FLVCR1: variants seen among roughly 807,000 people sequenced by gnomAD.
The protein encoded by FLVCR1 is FLVCR choline and heme transporter 1, also known as choline/ethanolamine transporter FLVCR1.
Under a neutral mutation model 53.6 loss-of-function variants are expected in FLVCR1, and 34 were observed. The observed-to-expected ratio is 0.63, with a 90% CI of 0.48 to 0.84. The LOEUF (loss-of-function observed/expected upper bound fraction) is 0.84, where lower values mean the gene tolerates loss of function less well. Ranked by LOEUF, FLVCR1 falls within the 40% of genes least tolerant of loss-of-function variation. The probability of loss-of-function intolerance (pLI) is 0.00; values close to 1 mark genes in which losing one functional copy is unlikely to be tolerated. For synonymous variants in FLVCR1, 300 were observed against 286.3 expected (o/e 1.05, Z -0.48); for missense variants, 677 against 696.7 (o/e 0.97, Z 0.32).
chr1:212,878,513 G>A (rs1473950006), intron 3 of FLVCR1, among the ~76,000 whole-genome samples: 19 of 132,506 alleles, frequency 1.4e-4, no homozygotes, highest in African/African-American at 4.3e-4. Flanking sequence ...CAGCCTGGGC[G>A]ACAGAGTGAG....
Position 212,863,834 on chromosome 1 carries a change from C to T in FLVCR1, c.848C>T (p.Ala283Val), listed in dbSNP as rs747001184. Residue 283 changes from alanine to valine, a missense_variant, in exon 2 of 10, where the codon GCT becomes GTT. Transcript: ENST00000366971. ...NISTMFYGTS[A>V]VATLLFILTA... Reference sequence around the variant, plus strand: ...AGCACCATGTTTTATGGAACATCAGCTGTTGCCACACTTTTATTTATTTTA... The same window carrying T: ...AGCACCATGTTTTATGGAACATCAGTTGTTGCCACACTTTTATTTATTTTA... 5 of 1,613,610 alleles carry T rather than the reference C, an allele frequency of 3.1e-6. No individual in the cohort carries two copies. In the South Asian group the frequency reaches 3.3e-5, roughly 11 times the overall value.
chr1:212,890,635 A>G (rs760621861), intron 8 of FLVCR1, among the ~76,000 whole-genome samples: 1 of 152,154 alleles, frequency 6.6e-6, no homozygotes, highest in Non-Finnish European at 1.5e-5. Context: ...TTGGTATCTG[A>G]GGTGGGGTCT....
chr1:212,890,229 G>A (rs1009937266), intron 8 of FLVCR1, among the ~76,000 whole-genome samples: 3 of 152,152 alleles, frequency 2.0e-5, no homozygotes, highest in Admixed American at 6.5e-5. Flanking sequence ...TTTTCCAGGT[G>A]CATACTTTTA....
chr1:212,888,929 A>G lies in FLVCR1; in HGVS notation c.1414-217A>G, dbSNP rs1393390794. Among the ~76,000 whole-genome samples the G allele has an allele frequency of 6.6e-5, 10 of 152,120 alleles. No individual in the cohort carries two copies. The South Asian group carries it at 1.5e-3, about 22-fold the overall frequency. On this transcript the variant is annotated intron_variant, in intron 7 of 9. Transcript: ENST00000366971. Reference sequence around the variant, plus strand: ...GGTCTCGGACTCCTGGGCTCAAGCAATTCGCCTACCTCAACTCCCAAAGTG... The same window carrying G: ...GGTCTCGGACTCCTGGGCTCAAGCAGTTCGCCTACCTCAACTCCCAAAGTG...
Position 212,899,007 on chromosome 1 carries a change from CAT to C in FLVCR1, c.*3720_*3721del, listed in dbSNP as rs1178662154. The C allele has an allele frequency of 8.5e-5, 13 of 152,318 alleles. No individual in the cohort carries two copies. The highest frequency in any genetic ancestry group is 3.1e-4 in the African/African-American group (13 of 41,578). 9.4% of individuals were successfully genotyped at this position (152,318 alleles called of 1,614,324 possible). On this transcript the variant is annotated 3_prime_UTR_variant, in exon 10 of 10. Transcript: ENST00000366971. ...CATTATAATCTTATAGGATCTCTGT[CAT>C]ATGTGGTCAATTGTTGATCGAAACA...
At chr1:212,879,388 G>A (rs6688865) in intron 3 of FLVCR1, among the ~76,000 whole-genome samples, 104,147 of 151,914 alleles carry the variant, frequency 0.69, 37,290 homozygotes, top group East Asian at 1. Context: ...GTCCCCCTCC[G>A]TGCCTAATAT....
At chr1:212,877,605 T>C (rs1444851091) in intron 3 of FLVCR1, among the ~76,000 whole-genome samples, 1 of 152,060 alleles carries the variant, frequency 6.6e-6, no homozygotes, top group Non-Finnish European at 1.5e-5. Context: ...TTGTAGACTC[T>C]GGATAATTAG....
At chr1:212,884,427 C>G (rs1665007188) in intron 4 of FLVCR1, among the ~76,000 whole-genome samples, 1 of 152,072 alleles carries the variant, frequency 6.6e-6, no homozygotes, top group African/African-American at 2.4e-5. Flanking sequence ...AATACACACA[C>G]ACACAATATG....
At position 212,858,480 on chromosome 1, in the gene FLVCR1, G is replaced by C. The variant is rs576457204; in HGVS notation, c.28G>C (p.Ala10Pro). 6.9e-7 allele frequency: 1 copy of C among 1,443,112 alleles called. No homozygotes were observed. The highest frequency in any genetic ancestry group is 2.8e-5 in the Admixed American group (1 of 35,548). The allele number at this position is 1,443,112 out of a possible 1,614,324, so 89.4% of individuals were successfully genotyped here. The change falls in exon 1 of 10, where the codon GCG (alanine) becomes CCG (proline). Residue 10 changes from alanine (A) to proline (P), a missense_variant. By Grantham distance (27) the Ala-to-Pro change is conservative. Coordinates refer to ENST00000366971, the MANE Select transcript of FLVCR1 (RefSeq NM_014053.4). The part of the protein sequence containing the change: MARPDDEEG[A>P]AVAPGHPLAK... ...GGCGCGGCCAGACGATGAGGAGGGG[G>C]CGGCGGTGGCGCCCGGACACCCGCT...
rs1015187558 is a variant in FLVCR1, at chr1:212,892,193, T to A, written c.1526-2793T>A. On this transcript the variant is annotated intron_variant, in intron 8 of 9. Coordinates refer to ENST00000366971, the MANE Select transcript of FLVCR1 (RefSeq NM_014053.4). ...ATCCAGAAGATCTAGCTAAGATGATTGATGAAGGTGGCTACAATAAACCAC... is the reference window on the plus strand; with the variant it reads ...ATCCAGAAGATCTAGCTAAGATGATAGATGAAGGTGGCTACAATAAACCAC... Among the ~76,000 whole-genome samples the A allele has an allele frequency of 4.6e-5, 7 of 152,344 alleles. No individual in the cohort carries two copies. The South Asian group carries it at 1.2e-3, about 27-fold the overall frequency.
rs189190710 is a variant in FLVCR1 at position 212,894,301 on chromosome 1, G to A, written c.1526-685G>A. ...CCCTAGTAGTTGGGACTACAGGTGCGTGCCGCCACGCCTGGCTAATTTTTT... is the reference window on the plus strand; with the variant it reads ...CCCTAGTAGTTGGGACTACAGGTGCATGCCGCCACGCCTGGCTAATTTTTT... On this transcript the variant is annotated intron_variant, in intron 8 of 9. Transcript: ENST00000366971. Among the ~76,000 whole-genome samples, 1,364 of 152,136 alleles carry A rather than the reference G, an allele frequency of 9.0e-3. 11 individuals carry two copies. Among genetic ancestry groups the A allele is most frequent in the Non-Finnish European group, 0.016 (1,069 of 67,998 alleles).
intron 2 of FLVCR1, among the ~76,000 whole-genome samples, chr1:212,865,485 A>ATTTTTTTTTTC (rs1664386126): frequency 7.5e-6 from 1 of 133,656 alleles, no homozygotes; most frequent in African/African-American, 3.0e-5. Context: ...TGCAATAGGG[A>ATTTTTTTTTTC]TTTTTTTTTT....
rs200827176 is a variant in FLVCR1 at position 212,866,474 on chromosome 1, C to CTT, written c.883+2619_883+2620dup. Among the ~76,000 whole-genome samples, 110 of 147,726 alleles carry CTT rather than the reference C, an allele frequency of 7.4e-4. 1 individual carries two copies. The highest frequency in any genetic ancestry group is 3.5e-3 in the Middle Eastern group (1 of 284). On this transcript the variant is annotated intron_variant, in intron 2 of 9. Transcript: ENST00000366971. ...TGTCTTCACATAAATTCTGATTTTC[C>CTT]TTTTTTTTTTTTTTTAAATCCTCTT...
Position 212,875,991 on chromosome 1 carries a change from A to G in FLVCR1, c.1024+3173A>G, listed in dbSNP as rs574185800. On this transcript the variant is annotated intron_variant, in intron 3 of 9. Transcript: ENST00000366971. Reference sequence around the variant, plus strand: ...AACCTCCACCTCGCAGGTTCAAGCAATTCTCCTGCCTCAGCTTCCCGAGTA... The same window carrying G: ...AACCTCCACCTCGCAGGTTCAAGCAGTTCTCCTGCCTCAGCTTCCCGAGTA... 5.6e-4 allele frequency among the ~76,000 whole-genome samples: 85 copies of G among 151,488 alleles called. 2 individuals carry two copies. In the South Asian group the frequency reaches 0.017, roughly 31 times the overall value.
chr1:212,880,836 G>A (rs1664900416), intron 3 of FLVCR1, among the ~76,000 whole-genome samples: 3 of 150,424 alleles, frequency 2.0e-5, no homozygotes, highest in African/African-American at 7.3e-5. Context: ...AAAAACTTCA[G>A]TGGCCTGAAA....
intron 2 of FLVCR1, among the ~76,000 whole-genome samples, chr1:212,867,885 G>GC (rs1664484550): frequency 1.3e-5 from 2 of 148,274 alleles, no homozygotes; most frequent in East Asian, 4.0e-4. Context: ...CTCACTGCAA[G>GC]CTCTGCCTCC....
intron 5 of FLVCR1, 92 bp from the exon 6 acceptor site, chr1:212,887,799 A>G (rs1665096584): frequency 1.4e-6 from 1 of 708,758 alleles, no homozygotes; most frequent in Middle Eastern, 3.8e-4. Flanking sequence ...TTTGAAAAAC[A>G]AAGATTCATT....
At chr1:212,886,203 G>A (rs985115826) in intron 5 of FLVCR1, among the ~76,000 whole-genome samples, 13 of 151,536 alleles carry the variant, frequency 8.6e-5, no homozygotes, top group Admixed American at 5.3e-4. Context: ...CACCACACCC[G>A]GCTAATTTTT....
At chr1:212,888,685 T>TTGC (rs2102569652) in intron 7 of FLVCR1, 91 bp downstream of exon 7, 1 of 1,044,476 alleles carries the variant, frequency 9.6e-7, no homozygotes, top group Non-Finnish European at 1.5e-6. Flanking sequence ...TTTGTTGTTG[T>TTGC]TGTTGTTTTG....
Sources: allele counts gnomAD v4.1 joint callset (sites outside exome capture counted in the v4.1 genomes callset), GRCh38; gene constraint gnomAD v4.1.1; transcripts MANE v1.5; gene names NCBI Gene and HGNC (gene_info 2026-07-23, HGNC 2026-07-21).